Variants in EXOC4 observed in about 807,000 individuals in gnomAD.
EXOC4 encodes exocyst complex component 4.
EXOC4 carries 71 observed loss-of-function variants against 107.2 expected under a neutral mutation model. The ratio of observed to expected loss-of-function variants is 0.66; its 90% CI spans 0.55 to 0.81. The LOEUF (loss-of-function observed/expected upper bound fraction) is 0.81. EXOC4 is among the 30% of genes least tolerant of loss of function. EXOC4 has a pLI of 0.00. For synonymous variants in EXOC4, 456 were observed against 441.2 expected, an observed-to-expected ratio of 1.03 and a Z score of -0.42; for missense variants, 1,108 against 1,189.6, an observed-to-expected ratio of 0.93 and a Z score of 1.01.
chr7:133,813,580 G>A lies in EXOC4; in HGVS notation c.1515-3745G>A, dbSNP rs565279575. Among the ~76,000 whole-genome samples the A allele has an allele frequency of 5.3e-5, 8 of 152,222 alleles. 1 individual carries two copies. Among genetic ancestry groups the A allele is most frequent in the South Asian group, 2.1e-4 (1 of 4,818 alleles). Reference sequence around the variant, plus strand: ...TTAGATGAGAACAGAAGGGGTCATCGCAGCAGGATGTGGTATTTGGAGATC... The same window carrying A: ...TTAGATGAGAACAGAAGGGGTCATCACAGCAGGATGTGGTATTTGGAGATC... On this transcript the variant is annotated intron_variant, in intron 10 of 17. Coordinates refer to ENST00000253861, the MANE Select transcript of EXOC4 (RefSeq NM_021807.4).
At chr7:134,072,411 G>A in the EXOC4 span, among the ~76,000 whole-genome samples, 2 of 152,172 alleles carry the variant, frequency 1.3e-5, no homozygotes, top group Non-Finnish European at 2.9e-5. Flanking sequence ...TGGTGTTTTC[G>A]AGGCAGGGTC....
intron 10 of EXOC4, among the ~76,000 whole-genome samples, chr7:133,790,009 A>G (rs545225238): frequency 1.3e-5 from 2 of 152,326 alleles, no homozygotes; most frequent in Admixed American, 6.5e-5. Flanking sequence ...TTCTCATGTA[A>G]CAAACCTGAC....
chr7:133,579,187 C>T (rs1223020571), intron 9 of EXOC4, among the ~76,000 whole-genome samples: 6 of 152,088 alleles, frequency 3.9e-5, no homozygotes, highest in Admixed American at 3.9e-4. Flanking sequence ...TTTTAGGTCT[C>T]TAGCCATCCA....
intron 12 of EXOC4, among the ~76,000 whole-genome samples, chr7:133,917,102 T>A (rs1471521100): frequency 6.6e-6 from 1 of 151,918 alleles, no homozygotes; most frequent in Non-Finnish European, 1.5e-5. Context: ...AAGAGAGGGG[T>A]GTCCATGATT....
chr7:133,848,252 G>T (rs556192924), intron 11 of EXOC4, among the ~76,000 whole-genome samples: 1 of 152,278 alleles, frequency 6.6e-6, no homozygotes, highest in East Asian at 1.9e-4. Flanking sequence ...ACAGCTTCAG[G>T]AAGAATGCAG....
In EXOC4 at chr7:133,468,121, AAG is replaced by A. The variant is rs1344359654; in HGVS notation, c.1183-7205_1183-7204del. ...TGCTAAGAGCTATTCTCTTGAGAAAAAGAAAAAAAATCATGAGTAGTTTGATC... is the reference window on the plus strand; with the variant it reads ...TGCTAAGAGCTATTCTCTTGAGAAAAAAAAAAAATCATGAGTAGTTTGATC... On this transcript the variant is annotated intron_variant, in intron 7 of 17. Coordinates refer to ENST00000253861, the MANE Select transcript of EXOC4 (RefSeq NM_021807.4). Among the ~76,000 whole-genome samples the A allele has an allele frequency of 4.6e-5, 7 of 152,308 alleles. No homozygotes were observed. The East Asian group carries it at 1.3e-3, about 29-fold the overall frequency.
At chr7:133,433,883 A>G (rs910773445) in intron 7 of EXOC4, among the ~76,000 whole-genome samples, 5 of 152,164 alleles carry the variant, frequency 3.3e-5, no homozygotes, top group Non-Finnish European at 4.4e-5. Flanking sequence ...TGTACTTGGA[A>G]GTTGTTTCTA....
intron 10 of EXOC4, among the ~76,000 whole-genome samples, chr7:133,725,718 A>G (rs1390419980): frequency 1.3e-5 from 2 of 152,198 alleles, no homozygotes; most frequent in South Asian, 2.1e-4. Flanking sequence ...CTACTGAAGT[A>G]TACTATTGAC....
At chr7:133,771,579 A>G (rs932027303) in intron 10 of EXOC4, 3 of 152,034 alleles carry the variant, frequency 2.0e-5, no homozygotes, top group Non-Finnish European at 4.4e-5. Flanking sequence ...TGAAAATAGA[A>G]TTGCAATCCG....
In EXOC4 at chr7:133,294,268, A is replaced by T. The variant is rs1237351272; in HGVS notation, c.471+5152A>T. On this transcript the variant is annotated intron_variant, in intron 3 of 17. Transcript: ENST00000253861. ...TTCATGATAGTTAATATTTTCATAA[A>T]CTTTTTTTAAGGGAAAATGTGTGTA... Among the ~76,000 whole-genome samples the T allele has an allele frequency of 3.9e-5, 6 of 152,292 alleles. No homozygotes were observed. In the East Asian group the frequency reaches 1.2e-3, roughly 29 times the overall value.
At chr7:133,414,823 T>C (rs1797438434) in intron 7 of EXOC4, among the ~76,000 whole-genome samples, 1 of 152,160 alleles carries the variant, frequency 6.6e-6, no homozygotes, top group Non-Finnish European at 1.5e-5. Flanking sequence ...TCAATGGCTT[T>C]AAACATGTTC....
intron 17 of EXOC4, among the ~76,000 whole-genome samples, chr7:134,063,888 C>T (rs562691394): frequency 1.3e-5 from 2 of 152,252 alleles, no homozygotes; most frequent in East Asian, 3.9e-4. Context: ...CAGTATTTTA[C>T]AAAACCTCCA....
At chr7:133,995,579 A>G (rs1428023058) in intron 14 of EXOC4, among the ~76,000 whole-genome samples, 1 of 152,208 alleles carries the variant, frequency 6.6e-6, no homozygotes, top group Non-Finnish European at 1.5e-5. Flanking sequence ...AGGAGATGCA[A>G]TGTCATGCAT....
At chr7:133,264,771 C>T (rs1451139949) in intron 1 of EXOC4, among the ~76,000 whole-genome samples, 1 of 152,104 alleles carries the variant, frequency 6.6e-6, no homozygotes, top group Non-Finnish European at 1.5e-5. Flanking sequence ...AAATGTTCTG[C>T]TTAGAATAAT....
intron 14 of EXOC4, among the ~76,000 whole-genome samples, chr7:133,959,689 C>CGGTT (rs1334962132): frequency 6.6e-6 from 1 of 151,556 alleles, no homozygotes; most frequent in Non-Finnish European, 1.5e-5. Flanking sequence ...GAAAGAAAAC[C>CGGTT]CTACAACTGT....
chr7:133,661,816 G>A (rs1457383264), intron 10 of EXOC4, among the ~76,000 whole-genome samples: 1 of 151,564 alleles, frequency 6.6e-6, no homozygotes, highest in Non-Finnish European at 1.5e-5. Context: ...TATATTGGTA[G>A]TCCTGTAAAG....
chr7:134,050,101 T>A (rs1377530825), intron 17 of EXOC4, among the ~76,000 whole-genome samples: 1 of 152,142 alleles, frequency 6.6e-6, no homozygotes, highest in Non-Finnish European at 1.5e-5. Flanking sequence ...ATTTGTGTGT[T>A]TATATACACA....
intron 13 of EXOC4, among the ~76,000 whole-genome samples, chr7:133,922,883 A>ATG (rs541534734): frequency 7.3e-5 from 11 of 151,182 alleles, no homozygotes; most frequent in African/African-American, 1.9e-4. Context: ...GTGTGTTTCT[A>ATG]TGTGTGTGTG....
chr7:133,452,769 A>G (rs528223810), intron 7 of EXOC4, among the ~76,000 whole-genome samples: 2 of 152,198 alleles, frequency 1.3e-5, no homozygotes, highest in South Asian at 4.2e-4. Flanking sequence ...AGAATGTTAC[A>G]TATGTAAACT....
Sources: allele counts gnomAD v4.1 joint callset (sites outside exome capture counted in the v4.1 genomes callset), GRCh38; gene constraint gnomAD v4.1.1; transcripts MANE v1.5; gene names NCBI Gene and HGNC (gene_info 2026-07-23, HGNC 2026-07-21).